PDE4D: variants seen among roughly 807,000 people sequenced by gnomAD.
The protein encoded by PDE4D is 3',5'-cyclic-AMP phosphodiesterase 4D.
In PDE4D, 24 loss-of-function variants were observed where a neutral mutation model predicts 87.4. The ratio of observed to expected loss-of-function variants is 0.27; its 90% confidence interval spans 0.20 to 0.39. PDE4D has a LOEUF of 0.39. Among genes scored for constraint, PDE4D ranks in the 10% least tolerant of loss-of-function variants. PDE4D has a pLI of 1.00. For missense variants in PDE4D, 714 were observed against 1,041.0 expected (o/e 0.69, Z 4.32); for synonymous variants, 384 against 383.2 (o/e 1.00, Z -0.02).
intron 5 of PDE4D, among the ~76,000 whole-genome samples, chr5:59,162,853 C>CAAAAAAAAAAA (rs368976708): frequency 1.6e-5 from 2 of 121,586 alleles, no homozygotes; most frequent in Admixed American, 9.0e-5. Flanking sequence ...GACCCTGCAT[C>CAAAAAAAAAAA]AAAAAAAAAA....
chr5:60,468,137 C>CTTTTTTTTTTTTTTTTTTTT (rs570783072), intron 1 of PDE4D, among the ~76,000 whole-genome samples: 11 of 141,218 alleles, frequency 7.8e-5, no homozygotes, highest in African/African-American at 1.9e-4. Context: ...TTTCTTTTTT[C>CTTTTTTTTTTTTTTTTTTTT]TTTTTTTTTT....
intron 2 of PDE4D, among the ~76,000 whole-genome samples, chr5:59,993,107 A>T (rs1000188823): frequency 6.6e-6 from 1 of 152,178 alleles, no homozygotes; most frequent in Non-Finnish European, 1.5e-5. Context: ...TATTTCTCAA[A>T]ATGTGACATT....
At chr5:60,413,880 A>T (rs1412050837) in intron 1 of PDE4D, among the ~76,000 whole-genome samples, 2 of 152,156 alleles carry the variant, frequency 1.3e-5, no homozygotes, top group Non-Finnish European at 2.9e-5. Context: ...TAACCCAAAG[A>T]ACACTTCCAG....
At chr5:60,289,971 A>G (rs947831703) in intron 1 of PDE4D, among the ~76,000 whole-genome samples, 1 of 152,152 alleles carries the variant, frequency 6.6e-6, no homozygotes, top group Non-Finnish European at 1.5e-5. Flanking sequence ...AAATTCCCTG[A>G]GTTATTTGGA....
At chr5:59,825,109 C>A (rs995454634) in intron 1 of PDE4D, among the ~76,000 whole-genome samples, 16 of 152,124 alleles carry the variant, frequency 1.1e-4, no homozygotes, top group Non-Finnish European at 2.2e-4. Flanking sequence ...TGGGTGCAAT[C>A]AATGTATCTC....
chr5:59,521,172 C>T (rs1812171973), intron 1 of PDE4D, among the ~76,000 whole-genome samples: 1 of 151,426 alleles, frequency 6.6e-6, no homozygotes, highest in Non-Finnish European at 1.5e-5. Flanking sequence ...AGGACTAGGA[C>T]AGCAGTAGAG....
intron 1 of PDE4D, among the ~76,000 whole-genome samples, chr5:59,889,581 T>C (rs1433702913): frequency 6.6e-6 from 1 of 152,222 alleles, no homozygotes; most frequent in Non-Finnish European, 1.5e-5. Context: ...TAATCCAGAA[T>C]ATTTTATAAT....
chr5:59,598,462 A>C (rs1001829496), intron 1 of PDE4D, among the ~76,000 whole-genome samples: 2 of 152,204 alleles, frequency 1.3e-5, no homozygotes, highest in Admixed American at 6.5e-5. Context: ...CATTTTCAAA[A>C]TGAAAATGCT....
chr5:59,280,188 A>G (rs567647685), intron 1 of PDE4D, among the ~76,000 whole-genome samples: 2 of 152,226 alleles, frequency 1.3e-5, no homozygotes, highest in South Asian at 4.1e-4. Context: ...GAGTAATGGT[A>G]GTTTCCTGTT....
intron 1 of PDE4D, among the ~76,000 whole-genome samples, chr5:59,681,376 C>T (rs1439407218): frequency 6.6e-6 from 1 of 152,024 alleles, no homozygotes; most frequent in Non-Finnish European, 1.5e-5. Context: ...CATTTTTATG[C>T]ATAATAGAAA....
Position 59,161,727 on chromosome 5 carries a change from A to C in PDE4D, c.808+18868T>G, listed in dbSNP as rs113089270. 3.9e-3 allele frequency among the ~76,000 whole-genome samples: 596 copies of C among 152,274 alleles called. 2 individuals carry two copies. Among genetic ancestry groups the C allele is most frequent in the African/African-American group, 0.014 (571 of 41,544 alleles). On this transcript the variant is annotated intron_variant, in intron 5 of 14. Coordinates refer to ENST00000340635, the MANE Select transcript of PDE4D (RefSeq NM_001104631.2). Reference sequence around the variant, plus strand: ...CTTCAAATTTTATTTTTAGTTTACAACTGTTAGCGAAAAGTACGTCCTCTC... The same window carrying C: ...CTTCAAATTTTATTTTTAGTTTACACCTGTTAGCGAAAAGTACGTCCTCTC...
chr5:59,005,391 G>C (rs1270767356), intron 6 of PDE4D, among the ~76,000 whole-genome samples: 1 of 152,150 alleles, frequency 6.6e-6, no homozygotes, highest in Non-Finnish European at 1.5e-5. Flanking sequence ...TGAGTAAAAA[G>C]TACCAAGGAA....
chr5:60,430,549 G>GC lies in PDE4D; in HGVS notation c.-90+57392_-90+57393insG, dbSNP rs1554034818. ...GTTTGTGTTTTGTTTTTTTTTGTTT[G>GC]TTTTTTTTTTTTATTGATCATTCTT... is the stretch of plus-strand genomic sequence containing the variant. On this transcript the variant is annotated intron_variant, in intron 1 of 16. Coordinates refer to the PDE4D transcript ENST00000502484. Among the ~76,000 whole-genome samples the GC allele has an allele frequency of 6.1e-5, 8 of 132,020 alleles. No homozygotes were observed. The East Asian group carries it at 1.7e-3, about 28-fold the overall frequency. The allele number at this position is 132,020 out of a possible 152,430, so 86.6% of individuals were successfully genotyped here. A position where few individuals can be genotyped will look rare whatever the true frequency, so the allele number is the denominator to read the frequency against.
At chr5:60,047,254 CTCT>C (rs920314877) in intron 2 of PDE4D, among the ~76,000 whole-genome samples, 9 of 152,258 alleles carry the variant, frequency 5.9e-5, no homozygotes, top group African/African-American at 2.2e-4. Flanking sequence ...TGATTCTTCT[CTCT>C]TTTTTTCTTT....
intron 5 of PDE4D, among the ~76,000 whole-genome samples, chr5:59,177,615 G>A (rs1784099186): frequency 6.6e-6 from 1 of 152,176 alleles, no homozygotes; most frequent in Non-Finnish European, 1.5e-5. Flanking sequence ...GATAGAGCAT[G>A]ATTTGAGTGC....
chr5:59,384,065 T>G (rs1169442308), intron 1 of PDE4D, among the ~76,000 whole-genome samples: 1 of 124,636 alleles, frequency 8.0e-6, no homozygotes, highest in East Asian at 2.6e-4. Context: ...TTTTTTTATT[T>G]TTTTAGTTTT....
chr5:59,793,839 T>C (rs1411637742), intron 1 of PDE4D, among the ~76,000 whole-genome samples: 1 of 152,172 alleles, frequency 6.6e-6, no homozygotes, highest in Non-Finnish European at 1.5e-5. Context: ...GATTAAGCCG[T>C]GGTGACAGAG....
At chr5:59,910,422 T>A (rs563348188) in intron 3 of PDE4D, among the ~76,000 whole-genome samples, 69 of 152,356 alleles carry the variant, frequency 4.5e-4, no homozygotes, top group African/African-American at 1.6e-3. Context: ...CAGATTTTCT[T>A]ATTTTATGAG....
intron 1 of PDE4D, among the ~76,000 whole-genome samples, chr5:59,700,086 T>C (rs796647635): frequency 2.6e-5 from 4 of 152,242 alleles, no homozygotes; most frequent in African/African-American, 9.6e-5. Context: ...CACAATGAAA[T>C]TGCATAACCA....
Sources: gnomAD v4.1 joint callset for allele counts (sites outside exome capture counted in the v4.1 genomes callset) on GRCh38, gnomAD v4.1.1 for gene constraint, MANE v1.5 for transcripts, NCBI Gene and HGNC (gene_info 2026-07-23, HGNC 2026-07-21) for gene names.